CBLB: variants seen among roughly 807,000 people sequenced by gnomAD.
The protein encoded by CBLB is E3 ubiquitin-protein ligase CBL-B.
Under a neutral mutation model 104.9 loss-of-function variants are expected in CBLB, and 31 were observed. The observed-to-expected ratio is 0.30, with a 90% CI of 0.22 to 0.40. The LOEUF (loss-of-function observed/expected upper bound fraction) is 0.40. Among genes scored for constraint, CBLB ranks in the 10% least tolerant of loss-of-function variants. The pLI is 1.00. For synonymous variants in CBLB, 440 were observed against 422.6 expected, an observed-to-expected ratio of 1.04 and a Z score of -0.51; for missense variants, 1,062 against 1,214.6, an observed-to-expected ratio of 0.87 and a Z score of 1.87.
intron 4 of CBLB, among the ~76,000 whole-genome samples, chr3:105,751,832 A>T (rs1257130892): frequency 6.6e-6 from 1 of 152,220 alleles, no homozygotes; most frequent in Non-Finnish European, 1.5e-5. Context: ...ACAAAAATTT[A>T]AATTAATTTT....
chr3:105,758,538 T>G (rs1283416785), intron 4 of CBLB, among the ~76,000 whole-genome samples: 2 of 151,710 alleles, frequency 1.3e-5, no homozygotes, highest in African/African-American at 4.8e-5. Context: ...CTCATTCCAC[T>G]GACTCAACCT....
At chr3:105,760,539 C>A (rs2077516756) in intron 4 of CBLB, among the ~76,000 whole-genome samples, 1 of 151,982 alleles carries the variant, frequency 6.6e-6, no homozygotes, top group African/African-American at 2.4e-5. Context: ...ATTTCATACT[C>A]TAGAAAGTGC....
Position 105,867,311 on chromosome 3 carries a change from A to C in CBLB, c.168+99T>G. The stretch of plus-strand genomic sequence containing the variant: ...GAATTGAAATCAAAAGATTGTTGCC[A>C]TAACAATGGTTGGTATTAATTAACA... On this transcript the variant is annotated intron_variant, in intron 2 of 18. Transcript: ENST00000394030. The C allele has an allele frequency of 3.6e-6, 4 of 1,103,336 alleles. No individual in the cohort carries two copies. In the Admixed American group the frequency reaches 5.1e-5, roughly 14 times the overall value. The allele number at this position is 1,103,336 out of a possible 1,614,324, so 68.3% of individuals were successfully genotyped here. A position where few individuals can be genotyped will look rare whatever the true frequency, so the allele number is the denominator to read the frequency against.
intron 14 of CBLB, among the ~76,000 whole-genome samples, chr3:105,683,045 A>G (rs2066514544): frequency 6.6e-6 from 1 of 151,826 alleles, no homozygotes; most frequent in Admixed American, 6.6e-5. Context: ...GGATATTTGA[A>G]TAGATAATGC....
At chr3:105,703,475 G>C (rs1441266941) in intron 11 of CBLB, among the ~76,000 whole-genome samples, 1 of 152,122 alleles carries the variant, frequency 6.6e-6, no homozygotes, top group East Asian at 1.9e-4. Flanking sequence ...ATATTAAACA[G>C]TAATATAATT....
In CBLB at chr3:105,853,636, T is replaced by A. The variant is rs116692800; in HGVS notation, c.197A>T (p.Gln66Leu). 139 of 1,607,908 alleles carry A rather than the reference T, an allele frequency of 8.6e-5. 1 individual carries two copies. In the East Asian group the frequency reaches 1.7e-3, roughly 20 times the overall value. Reference sequence around the variant, plus strand: ...TATATATGGTGGGCTATTTTTCAACTGAAGTTTGGGATTTTGGCACAGTCT... The same window carrying A: ...TATATATGGTGGGCTATTTTTCAACAGAAGTTTGGGATTTTGGCACAGTCT... ...VVRLCQNPKL[Q>L]LKNSPPYILD... Residue 66 changes from glutamine (Q) to leucine (L), a missense_variant, in exon 3 of 19, where the codon CAG becomes CTG. By Grantham distance (113) the Gln-to-Leu change is moderately radical. This residue lies in a region of CBLB where 457 missense variants were observed against 632.0 expected (regional missense o/e 0.72). Coordinates refer to ENST00000394030, the MANE Select transcript of CBLB (RefSeq NM_170662.5).
intron 3 of CBLB, among the ~76,000 whole-genome samples, chr3:105,810,699 A>C (rs2084171674): frequency 6.6e-6 from 1 of 152,146 alleles, no homozygotes; most frequent in African/African-American, 2.4e-5. Context: ...AATTATAAAA[A>C]GTAGGAAATA....
intron 3 of CBLB, among the ~76,000 whole-genome samples, chr3:105,803,710 T>C (rs2083169203): frequency 6.6e-6 from 1 of 152,164 alleles, no homozygotes; most frequent in Non-Finnish European, 1.5e-5. Flanking sequence ...AATTTGGAAG[T>C]TGATTAATAT....
intron 13 of CBLB, among the ~76,000 whole-genome samples, chr3:105,687,410 C>T (rs73195924): frequency 4.8e-4 from 73 of 152,038 alleles, no homozygotes; most frequent in African/African-American, 1.7e-3. Flanking sequence ...CGAGTAATTT[C>T]CCCCACTCTT....
chr3:105,813,952 T>C (rs1300116100), intron 3 of CBLB, among the ~76,000 whole-genome samples: 1 of 152,206 alleles, frequency 6.6e-6, no homozygotes, highest in Non-Finnish European at 1.5e-5. Flanking sequence ...CTATCAGACT[T>C]GTCTAATAAG....
intron 2 of CBLB, among the ~76,000 whole-genome samples, chr3:105,867,062 C>G (rs776773622): frequency 2.6e-5 from 4 of 152,152 alleles, no homozygotes; most frequent in Non-Finnish European, 4.4e-5. Flanking sequence ...CCTGCTGGTA[C>G]TCTTTTGTTA....
At chr3:105,690,600 G>A (rs1488081406) in intron 13 of CBLB, among the ~76,000 whole-genome samples, 2 of 152,054 alleles carry the variant, frequency 1.3e-5, no homozygotes, top group East Asian at 3.9e-4. Flanking sequence ...GAGGCGGGTG[G>A]ATCACAAGGT....
At chr3:105,847,430 C>CA (rs35340743) in intron 3 of CBLB, among the ~76,000 whole-genome samples, 7 of 127,710 alleles carry the variant, frequency 5.5e-5, no homozygotes, top group African/African-American at 2.0e-4. Flanking sequence ...ACACACACAC[C>CA]CCATTTTGTC....
chr3:105,791,517 C>T (rs2081639477), intron 3 of CBLB, among the ~76,000 whole-genome samples: 1 of 152,138 alleles, frequency 6.6e-6, no homozygotes, highest in African/African-American at 2.4e-5. Context: ...CAATCAAATA[C>T]CATGCCACCC....
At chr3:105,864,707 A>G (rs1444743821) in intron 2 of CBLB, among the ~76,000 whole-genome samples, 1 of 152,212 alleles carries the variant, frequency 6.6e-6, no homozygotes, top group South Asian at 2.1e-4. Context: ...CAGTGACCTT[A>G]GAGCAAAAGC....
chr3:105,719,313 A>G (rs1487110619), intron 10 of CBLB, among the ~76,000 whole-genome samples: 1 of 152,168 alleles, frequency 6.6e-6, no homozygotes, highest in Non-Finnish European at 1.5e-5. Flanking sequence ...TTATACAAAC[A>G]CTCTCATTAC....
At chr3:105,729,913 C>G (rs149088655) in intron 9 of CBLB, among the ~76,000 whole-genome samples, 2,338 of 152,148 alleles carry the variant, frequency 0.015, 31 homozygotes, top group Middle Eastern at 0.027. Flanking sequence ...GCTGCCAAAA[C>G]AGATACGCTA....
In CBLB at chr3:105,657,654, G is replaced by A; in HGVS notation, c.*1316C>T. On this transcript the variant is annotated 3_prime_UTR_variant, in exon 19 of 19. Transcript: ENST00000394030. ...CATAGATGCTCAATAAATATTTGTA[G>A]ATTTATTAAGAGTAATAACATGGTG... 1 of 203,644 alleles carries A rather than the reference G, an allele frequency of 4.9e-6. No homozygotes were observed. Among genetic ancestry groups the A allele is most frequent in the Non-Finnish European group, 1.0e-5 (1 of 99,318 alleles). The allele number at this position is 203,644 out of a possible 1,614,324, so 12.6% of individuals were successfully genotyped here.
At position 105,658,934 on chromosome 3, in the gene CBLB, G is replaced by C; in HGVS notation, c.*36C>G. 2.5e-6 allele frequency: 4 copies of C among 1,603,816 alleles called. No individual in the cohort carries two copies. Among genetic ancestry groups the C allele is most frequent in the South Asian group, 1.1e-5 (1 of 90,818 alleles). The stretch of plus-strand genomic sequence containing the variant: ...TATTTCCACACTCTTGGAATACATC[G>C]ATTGCTTTCCATTTTGGTGTCTACA... On this transcript the variant is annotated 3_prime_UTR_variant, in exon 19 of 19. Transcript: ENST00000394030.
Sources: gnomAD v4.1 joint callset for allele counts (sites outside exome capture counted in the v4.1 genomes callset) on GRCh38, gnomAD v4.1.1 for gene constraint, gnomAD v4.1.1 regional missense constraint, MANE v1.5 for transcripts, NCBI Gene and HGNC (gene_info 2026-07-23, HGNC 2026-07-21) for gene names.